The following WARS2 variants were observed in gnomAD, a reference collection of about 807,000 sequenced individuals.
The protein encoded by WARS2 is tryptophan--tRNA ligase, mitochondrial.
A neutral mutation model predicts 36.5 loss-of-function variants in WARS2; 28 were observed. That is an observed-to-expected ratio of 0.77 (90% CI 0.57 to 1.05). The LOEUF (loss-of-function observed/expected upper bound fraction) is 1.05. Among genes scored for constraint, WARS2 ranks in the 50% least tolerant of loss-of-function variants. WARS2 has a pLI of 0.00. For synonymous variants in WARS2, 174 were observed against 178.4 expected (o/e 0.98, Z 0.20); for missense variants, 435 against 456.8 (o/e 0.95, Z 0.44).
At chr1:119,051,762 A>ATTTTTTTTTTTTTTTTTTTTTTTTTTTT in intron 2 of WARS2, among the ~76,000 whole-genome samples, 1 of 114,314 alleles carries the variant, frequency 8.7e-6, no homozygotes, top group Non-Finnish European at 1.8e-5. Context: ...TCTCGCTGTA[A>ATTTTTTTTTTTTTTTTTTTTTTTTTTTT]TTTTTTTTTT....
chr1:119,060,402 C>T lies in WARS2; in HGVS notation c.349-14740G>A, dbSNP rs138830520. Among the ~76,000 whole-genome samples, 338 of 152,346 alleles carry T rather than the reference C, an allele frequency of 2.2e-3. 1 individual carries two copies. In the Middle Eastern group the frequency reaches 0.027, roughly 12 times the overall value. On this transcript the variant is annotated intron_variant, in intron 2 of 5. Coordinates refer to ENST00000235521, the MANE Select transcript of WARS2 (RefSeq NM_015836.4). ...AAAAGAGAAAAACAGACAGATCTTTCCCTCTTCTCATAAGGCCACAGGCCT... is the reference window on the plus strand; with the variant it reads ...AAAAGAGAAAAACAGACAGATCTTTTCCTCTTCTCATAAGGCCACAGGCCT...
At chr1:119,124,321 T>C (rs904710988) in intron 1 of WARS2, among the ~76,000 whole-genome samples, 1 of 151,960 alleles carries the variant, frequency 6.6e-6, no homozygotes, top group Non-Finnish European at 1.5e-5. Flanking sequence ...AGTGAAACCC[T>C]GTCTCTACTA....
At chr1:119,135,302 G>T (rs1656407136) in intron 1 of WARS2, among the ~76,000 whole-genome samples, 2 of 152,182 alleles carry the variant, frequency 1.3e-5, no homozygotes, top group Admixed American at 1.3e-4. Flanking sequence ...CCTGGGTTGT[G>T]GAGTGGGGCG....
chr1:119,052,728 G>A (rs189667379), intron 2 of WARS2, among the ~76,000 whole-genome samples: 9 of 152,286 alleles, frequency 5.9e-5, no homozygotes, highest in African/African-American at 2.2e-4. Flanking sequence ...AGGCTATACA[G>A]GGTAACAGAC....
At chr1:119,078,132 A>G (rs941528383) in intron 1 of WARS2, among the ~76,000 whole-genome samples, 5 of 152,190 alleles carry the variant, frequency 3.3e-5, no homozygotes, top group Admixed American at 6.5e-5. Context: ...TTGAGGTTTC[A>G]GGCCAGATAT....
At chr1:119,079,464 A>G (rs1436826971) in intron 1 of WARS2, among the ~76,000 whole-genome samples, 1 of 152,102 alleles carries the variant, frequency 6.6e-6, no homozygotes, top group African/African-American at 2.4e-5. Context: ...AGAAGCTGCA[A>G]TTGCTGGTTG....
chr1:119,046,397 G>T (rs185197006), intron 2 of WARS2, among the ~76,000 whole-genome samples: 1 of 145,324 alleles, frequency 6.9e-6, no homozygotes, highest in Admixed American at 7.1e-5. Flanking sequence ...CGCCCAGGCT[G>T]CAGTGCAGTG....
At chr1:119,134,869 T>C (rs1656375837) in intron 1 of WARS2, among the ~76,000 whole-genome samples, 1 of 152,150 alleles carries the variant, frequency 6.6e-6, no homozygotes, top group African/African-American at 2.4e-5. Context: ...GGTATTAGAA[T>C]AGAGTCAAGA....
chr1:119,041,968 G>C (rs986776901), intron 4 of WARS2, among the ~76,000 whole-genome samples: 4 of 152,036 alleles, frequency 2.6e-5, no homozygotes, highest in Admixed American at 6.6e-5. Flanking sequence ...TTGTTGTAAG[G>C]GTTGATGTAT....
chr1:119,123,051 A>G lies in WARS2; in HGVS notation c.90+17504T>C, dbSNP rs1655430117. Among the ~76,000 whole-genome samples, 5 of 152,326 alleles carry G rather than the reference A, an allele frequency of 3.3e-5. No individual in the cohort carries two copies. The South Asian group carries it at 1.0e-3, about 32-fold the overall frequency. On this transcript the variant is annotated intron_variant, in intron 1 of 5. Coordinates refer to ENST00000235521, the MANE Select transcript of WARS2 (RefSeq NM_015836.4). ...AGAATGCATATACGCATTTTTCAAG[A>G]TAGAAGATCCACATTTTAATCAAAG...
intron 4 of WARS2, among the ~76,000 whole-genome samples, chr1:119,039,393 C>CAT (rs1371381385): frequency 2.6e-5 from 4 of 151,030 alleles, no homozygotes; most frequent in Admixed American, 6.6e-5. Context: ...GTATACAACA[C>CAT]ATATATATAA....
intron 1 of WARS2, among the ~76,000 whole-genome samples, chr1:119,125,292 G>GT (rs1655576305): frequency 6.6e-6 from 1 of 151,962 alleles, no homozygotes; most frequent in African/African-American, 2.4e-5. Context: ...CACCTTCTTG[G>GT]GGTCCTCTGC....
At chr1:119,078,183 C>T (rs77305583) in intron 1 of WARS2, among the ~76,000 whole-genome samples, 3,060 of 152,284 alleles carry the variant, frequency 0.02, 90 homozygotes, top group African/African-American at 0.069. Flanking sequence ...CTACTAGCTA[C>T]TATGCTTTGC....
chr1:119,130,143 G>GA lies in WARS2; in HGVS notation c.90+10411dup, dbSNP rs11325404. 4.2e-4 allele frequency among the ~76,000 whole-genome samples: 61 copies of GA among 143,652 alleles called. No individual in the cohort carries two copies. In the East Asian group the frequency reaches 5.5e-3, roughly 13 times the overall value. 94.2% of individuals were successfully genotyped at this position (143,652 alleles called of 152,430 possible). Reference sequence around the variant, plus strand: ...AATGGGACTTAAGGTGGGTAAATGAGAAAAAAAAAAAGGCAATGTCAATAC... The same window carrying GA: ...AATGGGACTTAAGGTGGGTAAATGAGAAAAAAAAAAAAGGCAATGTCAATAC... On this transcript the variant is annotated intron_variant, in intron 1 of 5. Transcript: ENST00000235521.
At chr1:119,080,688 G>A (rs998156810) in intron 1 of WARS2, among the ~76,000 whole-genome samples, 1 of 152,164 alleles carries the variant, frequency 6.6e-6, no homozygotes, top group Non-Finnish European at 1.5e-5. Context: ...GCGGCCTGAC[G>A]GCATGGCAGG....
intron 3 of WARS2, among the ~76,000 whole-genome samples, chr1:119,042,564 T>C (rs1224800777): frequency 2.0e-5 from 3 of 152,126 alleles, no homozygotes; most frequent in African/African-American, 7.2e-5. Context: ...TGAGTGCATT[T>C]CATCACTGCC....
At chr1:119,117,876 C>T (rs938396077) in intron 1 of WARS2, among the ~76,000 whole-genome samples, 17 of 152,196 alleles carry the variant, frequency 1.1e-4, no homozygotes, top group Non-Finnish European at 1.8e-4. Flanking sequence ...CCTAGAGAAA[C>T]GGGGAGAGCA....
chr1:119,087,933 T>C (rs587659539), intron 1 of WARS2, among the ~76,000 whole-genome samples: 6 of 152,240 alleles, frequency 3.9e-5, no homozygotes, highest in African/African-American at 1.4e-4. Context: ...CATCATGGCT[T>C]GGGAACTTGT....
chr1:119,054,154 A>C (rs971666698), intron 2 of WARS2, among the ~76,000 whole-genome samples: 4 of 151,124 alleles, frequency 2.6e-5, no homozygotes, highest in Admixed American at 6.6e-5. Context: ...TTATTAAATA[A>C]AACATTTTAA....
Sources: allele counts gnomAD v4.1 joint callset (sites outside exome capture counted in the v4.1 genomes callset), GRCh38; gene constraint gnomAD v4.1.1; transcripts MANE v1.5; gene names NCBI Gene and HGNC (gene_info 2026-07-23, HGNC 2026-07-21).